CDC25A: variants seen among roughly 807,000 people sequenced by gnomAD.
CDC25A encodes the protein M-phase inducer phosphatase 1.
A neutral mutation model predicts 64.6 loss-of-function variants in CDC25A; 17 were observed. The observed-to-expected ratio is 0.26, with a 90% CI of 0.18 to 0.39. CDC25A has a LOEUF of 0.39. CDC25A is among the 10% of genes least tolerant of loss of function. CDC25A has a pLI of 1.00. For synonymous variants in CDC25A, 229 were observed against 238.6 expected, an observed-to-expected ratio of 0.96 and a Z score of 0.37; for missense variants, 473 against 654.8, an observed-to-expected ratio of 0.72 and a Z score of 3.03.
intron 3 of CDC25A, 89 bp downstream of exon 3, chr3:48,184,564 C>A: frequency 1.2e-6 from 1 of 842,112 alleles, no homozygotes. Context: ...GGCTCCAGTC[C>A]AGTGTATGAA....
At chr3:48,187,687 G>A (rs768732632) in intron 1 of CDC25A, 91 bp downstream of exon 1, 67 of 1,281,464 alleles carry the variant, frequency 5.2e-5, no homozygotes, top group Non-Finnish European at 5.6e-5. Context: ...GACGGGTCTC[G>A]CCCTTCTCCC....
chr3:48,165,742 G>C lies in CDC25A; in HGVS notation c.1093-8C>G. 6.2e-7 allele frequency: 1 copy of C among 1,609,070 alleles called. No homozygotes were observed. The highest frequency in any genetic ancestry group is 8.5e-7 in the Non-Finnish European group (1 of 1,175,430). The stretch of plus-strand genomic sequence containing the variant: ...ATTCAAAACAGATGCCATCTGTTGA[G>C]AGAAAATTAGGGAGAATCAACTTTG... On this transcript the variant is annotated splice_polypyrimidine_tract_variant and splice_region_variant and intron_variant, in intron 11 of 14. Transcript: ENST00000302506.
At chr3:48,170,537 C>T (rs1483281209) in intron 9 of CDC25A, among the ~76,000 whole-genome samples, 1 of 152,168 alleles carries the variant, frequency 6.6e-6, no homozygotes, top group African/African-American at 2.4e-5. Context: ...TCCTTGGGTG[C>T]CCCAACCTCC....
At chr3:48,174,241 T>C in intron 9 of CDC25A, 43 bp downstream of exon 9, 1 of 1,528,050 alleles carries the variant, frequency 6.5e-7, no homozygotes. Flanking sequence ...AACTGAAAAA[T>C]ACAGTATCTG....
chr3:48,184,034 A>C (rs1438845722), intron 3 of CDC25A, among the ~76,000 whole-genome samples, 198 bp from the exon 4 acceptor site: 2 of 152,094 alleles, frequency 1.3e-5, no homozygotes, highest in Non-Finnish European at 2.9e-5. Flanking sequence ...GGTGAAAAAA[A>C]ACAAACCCAT....
intron 2 of CDC25A, 22 bp from the exon 3 acceptor site, chr3:48,184,717 C>G: frequency 6.4e-7 from 1 of 1,557,250 alleles, no homozygotes; most frequent in Non-Finnish European, 8.7e-7. Context: ...AAAAAAACCT[C>G]TCAAGAAATA....
intron 1 of CDC25A, among the ~76,000 whole-genome samples, chr3:48,187,159 A>G (rs1559966155): frequency 6.6e-6 from 1 of 152,200 alleles, no homozygotes; most frequent in Non-Finnish European, 1.5e-5. Flanking sequence ...ACGGGATGCC[A>G]GAGATTGAAG....
At chr3:48,176,575 A>G (rs1368820720) in intron 8 of CDC25A, among the ~76,000 whole-genome samples, 1 of 147,072 alleles carries the variant, frequency 6.8e-6, no homozygotes, top group African/African-American at 2.5e-5. Flanking sequence ...TATATTATAT[A>G]TAATTTTTAA....
In CDC25A at chr3:48,174,290, G is replaced by C. The variant is rs201227806; in HGVS notation, c.924C>G (p.Ala308=). 1.7e-5 allele frequency: 28 copies of C among 1,611,378 alleles called. No homozygotes were observed. In the African/African-American group the frequency reaches 3.1e-4, roughly 18 times the overall value. Residue 308 remains alanine, a synonymous_variant, in exon 9 of 15, where the codon GCC becomes GCG. Coordinates refer to ENST00000302506, the MANE Select transcript of CDC25A (RefSeq NM_001789.3). ...SPKESTNPEK[A]HETLHQSLSL... is the part of the protein sequence containing the mutation. ...AGGAACCTAGGAAACTAACCTCATG[G>C]GCCTTCTCTGGATTAGTTGACTCTT...
rs1480074161 is a variant in CDC25A, at chr3:48,158,215, C to A, written c.*730G>T. 3 of 152,622 alleles carry A rather than the reference C, an allele frequency of 2.0e-5. No homozygotes were observed. Among genetic ancestry groups the A allele is most frequent in the Non-Finnish European group, 2.9e-5 (2 of 68,058 alleles). 9.5% of individuals were successfully genotyped at this position (152,622 alleles called of 1,614,324 possible). On this transcript the variant is annotated 3_prime_UTR_variant, in exon 15 of 15. Coordinates refer to ENST00000302506, the MANE Select transcript of CDC25A (RefSeq NM_001789.3). ...GGGAGATTTAGCTTATGTCAGGCAG[C>A]CAAGCCTGGGTCCAACGCTCTCACC... is the stretch of plus-strand genomic sequence containing the variant.
At chr3:48,187,699 G>A in intron 1 of CDC25A, 79 bp downstream of exon 1, 1 of 1,372,384 alleles carries the variant, frequency 7.3e-7, no homozygotes, top group Non-Finnish European at 9.8e-7. Context: ...CCTTCTCCCG[G>A]TCCGTTTCCT....
At chr3:48,165,601 G>GGGCTCCTTCTACAGCAAGTCTCAGGAAT (rs761728051) in intron 12 of CDC25A, 35 bp downstream of exon 12, 4 of 1,439,520 alleles carry the variant, frequency 2.8e-6, no homozygotes, top group Non-Finnish European at 3.9e-6. Flanking sequence ...ATCCTGTTTA[G>GGGCTCCTTCTACAGCAAGTCTCAGGAAT]GGCTCCTTCT....
intron 8 of CDC25A, 78 bp from the exon 9 acceptor site, chr3:48,174,535 G>T (rs1575267300): frequency 2.1e-6 from 3 of 1,399,622 alleles, no homozygotes; most frequent in Non-Finnish European, 2.0e-6. Flanking sequence ...TAAACCGAAG[G>T]TTTCCTGGGA....
chr3:48,182,918 G>C lies in CDC25A; in HGVS notation c.429+11C>G, dbSNP rs372420282. 8 of 1,568,790 alleles carry C rather than the reference G, an allele frequency of 5.1e-6. No homozygotes were observed. In the African/African-American group the frequency reaches 9.5e-5, roughly 19 times the overall value. The stretch of plus-strand genomic sequence containing the variant: ...CTCTGCCTCAGGTTAGTACATTGAA[G>C]TCACACTCACATTTTCCTTGTTCTC... On this transcript the variant is annotated intron_variant, in intron 5 of 14. Transcript: ENST00000302506.
Position 48,164,341 on chromosome 3 carries a change from G to A in CDC25A, c.1288C>T (p.His430Tyr), listed in dbSNP as rs1183786591. Residue 430 changes from histidine (H) to tyrosine (Y), a missense_variant, in exon 13 of 15, where the codon CAC (histidine) becomes TAC (tyrosine). Physicochemically the swap from His to Tyr is moderately conservative, Grantham distance 83 (BLOSUM62 2). This residue lies in a region of CDC25A where 97 missense variants were observed against 223.0 expected (regional missense o/e 0.43). Transcript: ENST00000302506. ...TDGKRVIVVFHCEFSSERGPR... is the reference protein window; with the variant it reads ...TDGKRVIVVFYCEFSSERGPR... ...CCTCTCTCAGAAGAAAACTCGCAGT[G>A]AAACACAACAATGACACGCTTGCCA... 20 of 1,600,720 alleles carry A rather than the reference G, an allele frequency of 1.2e-5. No homozygotes were observed. Among genetic ancestry groups the A allele is most frequent in the Non-Finnish European group, 1.5e-5 (18 of 1,175,098 alleles).
Position 48,180,782 on chromosome 3 carries a change from TGA to T in CDC25A, c.486_487del (p.His163TrpfsTer6). ...GAGATCTTTACCCTCCTGGAGTCCA[TGA>T]GAGTGCAGGCAGCCACGAGATACAG... On this transcript the variant is annotated frameshift_variant, in exon 6 of 15. Transcript: ENST00000302506. LOFTEE classifies it high-confidence loss of function. The T allele has an allele frequency of 6.2e-7, 1 of 1,613,238 alleles. No individual in the cohort carries two copies. The highest frequency in any genetic ancestry group is 8.5e-7 in the Non-Finnish European group (1 of 1,179,206).
chr3:48,187,445 C>A (rs7618326), intron 1 of CDC25A, among the ~76,000 whole-genome samples: 3,168 of 152,358 alleles, frequency 0.021, 100 homozygotes, highest in African/African-American at 0.069. Context: ...CCTAGAAGAG[C>A]CTGATTTTCC....
rs780939908 is a variant in CDC25A at position 48,177,916 on chromosome 3, T to C, written c.622A>G (p.Thr208Ala). The C allele has an allele frequency of 2.1e-5, 34 of 1,613,926 alleles. No homozygotes were observed. Among genetic ancestry groups the C allele is most frequent in the Non-Finnish European group, 2.9e-5 (34 of 1,179,872 alleles). ...IPLFTPQSPV[T>A]ATLSDEDDGF... is the part of the protein sequence containing the mutation. Reference sequence around the variant, plus strand: ...TCATCCTCATCAGACAAAGTGGCTGTCACAGGTGACTGGGGTGTAAAAAGA... The same window carrying C: ...TCATCCTCATCAGACAAAGTGGCTGCCACAGGTGACTGGGGTGTAAAAAGA... The change falls in exon 7 of 15, where the codon ACA (threonine) becomes GCA (alanine). Residue 208 changes from threonine (T) to alanine (A), a missense_variant. Thr to Ala is a moderately conservative substitution (Grantham distance 58). Coordinates refer to ENST00000302506, the MANE Select transcript of CDC25A (RefSeq NM_001789.3).
intron 9 of CDC25A, among the ~76,000 whole-genome samples, chr3:48,171,468 T>C (rs2032267760): frequency 6.7e-6 from 1 of 150,150 alleles, no homozygotes; most frequent in South Asian, 2.1e-4. Context: ...GCAACCTCCA[T>C]TTCCCGGGTT....
Sources: gnomAD v4.1 joint callset for allele counts (sites outside exome capture counted in the v4.1 genomes callset) on GRCh38, gnomAD v4.1.1 for gene constraint, gnomAD v4.1.1 regional missense constraint, MANE v1.5 for transcripts, NCBI Gene and HGNC (gene_info 2026-07-23, HGNC 2026-07-21) for gene names.